The following PXDNL variants were observed in gnomAD, a reference collection of about 807,000 sequenced individuals.
PXDNL encodes the protein peroxidasin like, also known as probable oxidoreductase PXDNL.
Under a neutral mutation model 150.8 loss-of-function variants are expected in PXDNL, and 145 were observed. The ratio of observed to expected loss-of-function variants is 0.96; its 90% confidence interval spans 0.84 to 1.10. The LOEUF (loss-of-function observed/expected upper bound fraction) is 1.10. PXDNL is among the 50% of genes least tolerant of loss of function. The pLI, the probability that PXDNL is intolerant of heterozygous loss-of-function variation, is 0.00. For missense variants in PXDNL, 2,087 were observed against 1,873.9 expected, an observed-to-expected ratio of 1.11 and a Z score of -2.10; for synonymous variants, 757 against 725.7, an observed-to-expected ratio of 1.04 and a Z score of -0.69.
intron 1 of PXDNL, among the ~76,000 whole-genome samples, chr8:51,709,340 C>T (rs1329469010): frequency 6.6e-6 from 1 of 151,854 alleles, no homozygotes; most frequent in Non-Finnish European, 1.5e-5. Flanking sequence ...CTGCAAGCTC[C>T]GCCTCCCGGG....
At chr8:51,772,553 C>T (rs1019890896) in intron 1 of PXDNL, among the ~76,000 whole-genome samples, 4 of 152,084 alleles carry the variant, frequency 2.6e-5, no homozygotes, top group African/African-American at 7.2e-5. Context: ...CCAGGTCAGC[C>T]CTGAGGACTC....
At chr8:51,595,955 G>T (rs758831319) in intron 2 of PXDNL, among the ~76,000 whole-genome samples, 2 of 152,012 alleles carry the variant, frequency 1.3e-5, no homozygotes, top group Non-Finnish European at 2.9e-5. Context: ...TGTTACCTCG[G>T]TATATTGCAT....
chr8:51,476,355 T>C (rs1267606698), intron 6 of PXDNL, among the ~76,000 whole-genome samples: 2 of 152,206 alleles, frequency 1.3e-5, no homozygotes, highest in Non-Finnish European at 2.9e-5. Context: ...GTGTTCTCTG[T>C]GTTTTCCACT....
intron 4 of PXDNL, among the ~76,000 whole-genome samples, chr8:51,509,923 G>A (rs1811377710): frequency 6.6e-6 from 1 of 152,000 alleles, no homozygotes; most frequent in Non-Finnish European, 1.5e-5. Flanking sequence ...CTGCTAGAAT[G>A]TTAGCAGGCC....
intron 14 of PXDNL, among the ~76,000 whole-genome samples, chr8:51,417,708 T>C (rs1003647065): frequency 3.9e-5 from 6 of 151,980 alleles, no homozygotes; most frequent in African/African-American, 9.7e-5. Context: ...CTATAAAGAG[T>C]GATGCTAAAA....
intron 2 of PXDNL, among the ~76,000 whole-genome samples, chr8:51,598,236 C>A (rs758240839): frequency 1.2e-4 from 18 of 151,954 alleles, no homozygotes; most frequent in Non-Finnish European, 2.5e-4. Flanking sequence ...CTTTTTCTTG[C>A]CTGATTGCTT....
intron 1 of PXDNL, among the ~76,000 whole-genome samples, chr8:51,756,300 G>A (rs1354002370): frequency 1.3e-5 from 2 of 151,654 alleles, no homozygotes; most frequent in African/African-American, 4.8e-5. Context: ...GCTGAGGTGG[G>A]AGAATGGCTT....
intron 4 of PXDNL, among the ~76,000 whole-genome samples, chr8:51,526,146 T>TG (rs1416090014): frequency 1.3e-5 from 2 of 151,908 alleles, no homozygotes; most frequent in Non-Finnish European, 2.9e-5. Context: ...ATCACAGGAG[T>TG]CCTGGATCAT....
At chr8:51,338,474 G>A (rs920707010) in intron 21 of PXDNL, among the ~76,000 whole-genome samples, 5 of 152,236 alleles carry the variant, frequency 3.3e-5, no homozygotes, top group Non-Finnish European at 7.3e-5. Flanking sequence ...AAGTTCAGAT[G>A]AGGATACTTG....
chr8:51,383,139 C>G (rs1807599259), intron 17 of PXDNL, among the ~76,000 whole-genome samples: 1 of 152,136 alleles, frequency 6.6e-6, no homozygotes, highest in Non-Finnish European at 1.5e-5. Flanking sequence ...CATAAGCTCT[C>G]AAAACATTTC....
Position 51,540,424 on chromosome 8 carries a change from T to C in PXDNL, c.380+16416A>G, listed in dbSNP as rs1307131817. On this transcript the variant is annotated intron_variant, in intron 4 of 22. Transcript: ENST00000356297. Reference sequence around the variant, plus strand: ...GATATATCCCCAAAATTTCTGAATATTGAGTTTTCGTTCTTATTCTGTTTG... The same window carrying C: ...GATATATCCCCAAAATTTCTGAATACTGAGTTTTCGTTCTTATTCTGTTTG... 3.3e-5 allele frequency among the ~76,000 whole-genome samples: 5 copies of C among 152,180 alleles called. No individual in the cohort carries two copies. In the East Asian group the frequency reaches 9.6e-4, roughly 29 times the overall value.
chr8:51,768,261 T>G (rs2037253006), intron 1 of PXDNL, among the ~76,000 whole-genome samples: 1 of 131,484 alleles, frequency 7.6e-6, no homozygotes, highest in Admixed American at 7.8e-5. Context: ...TTATCAGTGT[T>G]TTTTTTTTTT....
At chr8:51,404,467 A>G (rs1808376757) in intron 17 of PXDNL, among the ~76,000 whole-genome samples, 1 of 149,832 alleles carries the variant, frequency 6.7e-6, no homozygotes, top group South Asian at 2.1e-4. Context: ...GATTAGCCAC[A>G]TACAGAGTGC....
intron 18 of PXDNL, among the ~76,000 whole-genome samples, chr8:51,373,842 A>G (rs1168669567): frequency 2.6e-5 from 4 of 152,202 alleles, no homozygotes. Flanking sequence ...GCCCTGGAAC[A>G]TACTTGATTC....
Position 51,783,020 on chromosome 8 carries a change from T to A in PXDNL, c.164+26161A>T, listed in dbSNP as rs544546730. 3.3e-5 allele frequency among the ~76,000 whole-genome samples: 5 copies of A among 152,312 alleles called. No individual in the cohort carries two copies. In the South Asian group the frequency reaches 6.2e-4, roughly 19 times the overall value. On this transcript the variant is annotated intron_variant, in intron 1 of 22. Transcript: ENST00000356297. ...CTAATGGCTTAGGCAATAGGCAATA[T>A]CCAGACATGCATACAATTGTATAAA...
At chr8:51,509,617 G>C (rs978241737) in intron 4 of PXDNL, among the ~76,000 whole-genome samples, 9 of 151,666 alleles carry the variant, frequency 5.9e-5, no homozygotes, top group Non-Finnish European at 1.3e-4. Flanking sequence ...TTGCTCAAAT[G>C]CCACCCACTC....
At chr8:51,554,221 G>C (rs1376929295) in intron 4 of PXDNL, among the ~76,000 whole-genome samples, 1 of 152,184 alleles carries the variant, frequency 6.6e-6, no homozygotes, top group Non-Finnish European at 1.5e-5. Flanking sequence ...TGACAGCTGA[G>C]ATGACCAAGG....
At chr8:51,668,174 C>CTTTTTTT (rs1447281482) in intron 1 of PXDNL, among the ~76,000 whole-genome samples, 1 of 21,738 alleles carries the variant, frequency 4.6e-5, no homozygotes, top group Non-Finnish European at 7.3e-5. Context: ...TTCTCGCTCT[C>CTTTTTTT]TCTTTTTTTT....
At chr8:51,780,400 T>C (rs1379883511) in intron 1 of PXDNL, among the ~76,000 whole-genome samples, 1 of 152,102 alleles carries the variant, frequency 6.6e-6, no homozygotes, top group Non-Finnish European at 1.5e-5. Context: ...AATACATATG[T>C]AAATTCCCAT....
Sources: gnomAD v4.1 joint callset for allele counts (sites outside exome capture counted in the v4.1 genomes callset) on GRCh38, gnomAD v4.1.1 for gene constraint, MANE v1.5 for transcripts, NCBI Gene and HGNC (gene_info 2026-07-23, HGNC 2026-07-21) for gene names.